CLPTM1L: variants seen among roughly 807,000 people sequenced by gnomAD.
The protein encoded by CLPTM1L is CLPTM1 like, also known as lipid scramblase CLPTM1L.
A neutral mutation model predicts 70.9 loss-of-function variants in CLPTM1L; 38 were observed. That is an observed-to-expected ratio of 0.54 (90% CI 0.41 to 0.70). The LOEUF (loss-of-function observed/expected upper bound fraction) is 0.70. CLPTM1L is among the 30% of genes least tolerant of loss of function. The pLI is 0.00. For missense variants in CLPTM1L, 652 were observed against 705.9 expected, an observed-to-expected ratio of 0.92 and a Z score of 0.87; for synonymous variants, 339 against 299.9, an observed-to-expected ratio of 1.13 and a Z score of -1.35.
chr5:1,339,038 G>C, intron 3 of CLPTM1L, 33 bp from the exon 4 acceptor site: 1 of 1,603,176 alleles, frequency 6.2e-7, no homozygotes, highest in Non-Finnish European at 8.5e-7. Flanking sequence ...GCCAATGCTG[G>C]GACAGAAAAC....
At chr5:1,339,064 AG>A in intron 3 of CLPTM1L, 59 bp from the exon 4 acceptor site, 1 of 1,576,026 alleles carries the variant, frequency 6.3e-7, no homozygotes, top group South Asian at 1.1e-5. Flanking sequence ...CCAGGACAGC[AG>A]GGTCAGCCCC....
intron 14 of CLPTM1L, 24 bp downstream of exon 14, chr5:1,321,740 C>A (rs201671690): frequency 6.2e-7 from 1 of 1,613,880 alleles, no homozygotes; most frequent in Non-Finnish European, 8.5e-7. Context: ...GGGGCCGGGC[C>A]GCGGGCAGCA....
In CLPTM1L at chr5:1,321,825, G is replaced by T; in HGVS notation, c.1316-6C>A. The T allele has an allele frequency of 6.2e-7, 1 of 1,613,302 alleles. No homozygotes were observed. Among genetic ancestry groups the T allele is most frequent in the South Asian group, 1.1e-5 (1 of 90,980 alleles). Reference sequence around the variant, plus strand: ...GAAACCAAAGGCATAGACCCCTGCAGAAAGACAGACAGCACTCACGAGGTG... The same window carrying T: ...GAAACCAAAGGCATAGACCCCTGCATAAAGACAGACAGCACTCACGAGGTG... On this transcript the variant is annotated splice_region_variant and splice_polypyrimidine_tract_variant and intron_variant, in intron 13 of 16. Coordinates refer to ENST00000320895, the MANE Select transcript of CLPTM1L (RefSeq NM_030782.5).
At chr5:1,327,350 C>T (rs561483803) in intron 9 of CLPTM1L, among the ~76,000 whole-genome samples, 2 of 148,296 alleles carry the variant, frequency 1.3e-5, no homozygotes. Context: ...CACATTCCAT[C>T]CAGCTCCTCC....
At chr5:1,323,520 A>G (rs1383178511) in intron 12 of CLPTM1L, among the ~76,000 whole-genome samples, 2 of 150,896 alleles carry the variant, frequency 1.3e-5, no homozygotes, top group Admixed American at 6.6e-5. Flanking sequence ...AGCAGAGGCC[A>G]GGGGCTCCAG....
chr5:1,343,950 C>T (rs1754107234), intron 2 of CLPTM1L, among the ~76,000 whole-genome samples: 1 of 152,226 alleles, frequency 6.6e-6, no homozygotes, highest in Non-Finnish European at 1.5e-5. Context: ...AAATTGCTTC[C>T]TCTATCCTCA....
rs3222913 is a variant in CLPTM1L, at chr5:1,342,039, T to TGTGTGTGCGCGCGC, written c.264-180_264-179insGCGCGCGCACACAC. Among the ~76,000 whole-genome samples the TGTGTGTGCGCGCGC allele has an allele frequency of 1.6e-3, 235 of 149,084 alleles. 1 individual carries two copies. Among genetic ancestry groups the TGTGTGTGCGCGCGC allele is most frequent in the Middle Eastern group, 3.5e-3 (1 of 288 alleles). On this transcript the variant is annotated intron_variant, in intron 2 of 16. Coordinates refer to ENST00000320895, the MANE Select transcript of CLPTM1L (RefSeq NM_030782.5). The surrounding 1 kb of genome is among the most constrained non-coding windows in gnomAD (Gnocchi z 4.3). ...GTGTGTGTGTGTGTGTGTGTGTGTG[T>TGTGTGTGCGCGCGC]GCACGCGCACGCGTGCGCGTCCTGA...
At position 1,337,872 on chromosome 5, in the gene CLPTM1L, C is replaced by T. The variant is rs776088439; in HGVS notation, c.678+32G>A. 13 of 1,546,298 alleles carry T rather than the reference C, an allele frequency of 8.4e-6. No homozygotes were observed. The South Asian group carries it at 1.5e-4, about 18-fold the overall frequency. ...AGTCTTGGGGTCAGTGTCTCGCCAG[C>T]TGCACAACCAGCGGGCAGAGGTGTC... On this transcript the variant is annotated intron_variant, in intron 5 of 16. Transcript: ENST00000320895.
chr5:1,319,814 G>C lies in CLPTM1L; in HGVS notation c.1532+802C>G, dbSNP rs115404322. ...TCTTGGGGGTGACACACACTCCTTC[G>C]ACCCCTGGACAAGGCCCTGGGGCCG... is the stretch of plus-strand genomic sequence containing the variant. On this transcript the variant is annotated intron_variant, in intron 16 of 16. Coordinates refer to ENST00000320895, the MANE Select transcript of CLPTM1L (RefSeq NM_030782.5). Among the ~76,000 whole-genome samples the C allele has an allele frequency of 9.8e-3, 1,497 of 152,322 alleles. 17 individuals are homozygous for C. Among genetic ancestry groups the C allele is most frequent in the African/African-American group, 0.034 (1,400 of 41,566 alleles).
At chr5:1,333,928 G>T (rs1347549539) in intron 7 of CLPTM1L, among the ~76,000 whole-genome samples, 1 of 152,088 alleles carries the variant, frequency 6.6e-6, no homozygotes, top group Non-Finnish European at 1.5e-5. Flanking sequence ...GCTCTGCATG[G>T]GGTCGGGGCC....
At position 1,344,759 on chromosome 5, in the gene CLPTM1L, T is replaced by G; in HGVS notation, c.83A>C (p.Tyr28Ser). Reference sequence around the variant, plus strand: ...GCACGGGCGGGTGTAGACGATGCCGTACATGACCCAGCAGGTGTGCACCAC... The same window carrying G: ...GCACGGGCGGGTGTAGACGATGCCGGACATGACCCAGCAGGTGTGCACCAC... ...VYVVHTCWVM[Y>S]GIVYTRPCSG... Residue 28 changes from tyrosine to serine, a missense_variant, in exon 1 of 17, where the codon TAC becomes TCC. By Grantham distance (144) the Tyr-to-Ser change is moderately radical. Coordinates refer to ENST00000320895, the MANE Select transcript of CLPTM1L (RefSeq NM_030782.5). 6.2e-7 allele frequency: 1 copy of G among 1,604,678 alleles called. No individual in the cohort carries two copies. The highest frequency in any genetic ancestry group is 1.1e-5 in the South Asian group (1 of 89,536).
chr5:1,324,305 A>AC (rs1752370448), intron 11 of CLPTM1L, among the ~76,000 whole-genome samples: 2 of 152,270 alleles, frequency 1.3e-5, no homozygotes, highest in African/African-American at 4.8e-5. Flanking sequence ...TCATCTGTGC[A>AC]GAAATGTTCT....
At chr5:1,321,097 G>C (rs1486657200) in intron 15 of CLPTM1L, among the ~76,000 whole-genome samples, 1 of 152,216 alleles carries the variant, frequency 6.6e-6, no homozygotes, top group African/African-American at 2.4e-5. Context: ...GCCAAGGGGA[G>C]AGCCAAGGGC....
At chr5:1,344,317 T>C (rs1349241791) in intron 2 of CLPTM1L, 34 bp downstream of exon 2, 1 of 1,374,866 alleles carries the variant, frequency 7.3e-7, no homozygotes, top group Non-Finnish European at 1.0e-6. Flanking sequence ...AGTAATGTTT[T>C]CCCTTTCACT....
intron 3 of CLPTM1L, among the ~76,000 whole-genome samples, chr5:1,339,232 G>A (rs1202778666): frequency 1.4e-5 from 2 of 144,382 alleles, no homozygotes; most frequent in Non-Finnish European, 3.0e-5. Context: ...CGGCCACACA[G>A]ACGGGCAAAC....
chr5:1,332,776 T>G (rs1352688524), intron 7 of CLPTM1L, among the ~76,000 whole-genome samples: 1 of 152,262 alleles, frequency 6.6e-6, no homozygotes, highest in Non-Finnish European at 1.5e-5. Flanking sequence ...TCTCTTACTG[T>G]GCTTAACTTA....
At chr5:1,331,919 C>G (rs371087757) in intron 7 of CLPTM1L, 36 bp from the exon 8 acceptor site, 1 of 1,533,540 alleles carries the variant, frequency 6.5e-7, no homozygotes, top group African/African-American at 1.4e-5. Flanking sequence ...CTCACATCTC[C>G]TGCTGTTTCC....
intron 7 of CLPTM1L, among the ~76,000 whole-genome samples, chr5:1,332,831 TCATTA>T (rs1358226478): frequency 6.6e-6 from 1 of 152,274 alleles, no homozygotes; most frequent in African/African-American, 2.4e-5. Context: ...ATATATTCAT[TCATTA>T]CGTTATTTGA....
At chr5:1,341,892 A>G (rs574208443) in intron 2 of CLPTM1L, 32 bp from the exon 3 acceptor site, 13 of 1,549,952 alleles carry the variant, frequency 8.4e-6, no homozygotes, top group African/African-American at 2.7e-5. Flanking sequence ...CACTACATAC[A>G]TATTATATTC....
Sources: gnomAD v4.1 joint callset for allele counts (sites outside exome capture counted in the v4.1 genomes callset) on GRCh38, gnomAD v4.1.1 for gene constraint, Gnocchi (gnomAD v3.1) non-coding constraint, MANE v1.5 for transcripts, NCBI Gene and HGNC (gene_info 2026-07-23, HGNC 2026-07-21) for gene names.